Variants in BBC3 observed in about 807,000 individuals in gnomAD.
BBC3 encodes bcl-2-binding component 3.
BBC3 carries 5 observed loss-of-function variants against 18.2 expected under a neutral mutation model. The ratio of observed to expected loss-of-function variants is 0.27; its 90% CI spans 0.14 to 0.58. The LOEUF (loss-of-function observed/expected upper bound fraction) is 0.58. Ranked by LOEUF, BBC3 falls within the 20% of genes least tolerant of loss-of-function variation. The pLI is 0.91. For synonymous variants in BBC3, 119 were observed against 128.0 expected, an observed-to-expected ratio of 0.93 and a Z score of 0.47; for missense variants, 224 against 268.9, an observed-to-expected ratio of 0.83 and a Z score of 1.17.
chr19:47,223,864 C>G (rs2123362842), intron 3 of BBC3, among the ~76,000 whole-genome samples: 1 of 152,322 alleles, frequency 6.6e-6, no homozygotes, highest in Middle Eastern at 3.4e-3. Flanking sequence ...CCACCACTGT[C>G]ACACTGCTGT....
rs2058905447 is a variant in BBC3, at chr19:47,230,882, G to A, written c.-16+47C>T. 2 of 981,024 alleles carry A rather than the reference G, an allele frequency of 2.0e-6. No homozygotes were observed. Among genetic ancestry groups the A allele is most frequent in the Admixed American group, 6.1e-5 (1 of 16,264 alleles). The allele number at this position is 981,024 out of a possible 1,614,324, so 60.8% of individuals were successfully genotyped here. A position where few individuals can be genotyped will look rare whatever the true frequency, so the allele number is the denominator to read the frequency against. On this transcript the variant is annotated intron_variant, in intron 1 of 3. Coordinates refer to ENST00000439096, the MANE Select transcript of BBC3 (RefSeq NM_014417.5). This position sits in a 1 kb window ranked among gnomAD's most constrained non-coding sequence, Gnocchi z 6.7. ...GTCACCTCCTCCAGGGAGTCCACCC[G>A]GCCTGGCCGATCGCCGCCGGAGAGG...
Position 47,228,521 on chromosome 19 carries a change from TA to T in BBC3, c.-15-76del. 8.3e-7 allele frequency: 1 copy of T among 1,203,216 alleles called. No individual in the cohort carries two copies. The highest frequency in any genetic ancestry group is 4.2e-5 in the South Asian group (1 of 23,594). The allele number at this position is 1,203,216 out of a possible 1,614,324, so 74.5% of individuals were successfully genotyped here. ...ACTGTACCTCCAGCCTACCCGGGGTTAGGACCCAGATGGAGAAGAGTGGAGG... is the reference window on the plus strand; with the variant it reads ...ACTGTACCTCCAGCCTACCCGGGGTTGGACCCAGATGGAGAAGAGTGGAGG... On this transcript the variant is annotated intron_variant, in intron 1 of 3. Transcript: ENST00000439096. The surrounding 1 kb of genome is among the most constrained non-coding windows in gnomAD (Gnocchi z 5.5).
chr19:47,227,063 C>T lies in BBC3; in HGVS notation c.275-309G>A, dbSNP rs191782043. 2.0e-3 allele frequency: 535 copies of T among 273,648 alleles called. 5 individuals carry two copies. The highest frequency in any genetic ancestry group is 0.015 in the Admixed American group (291 of 19,084). The allele number at this position is 273,648 out of a possible 1,614,324, so 17.0% of individuals were successfully genotyped here. On this transcript the variant is annotated intron_variant, in intron 2 of 3. Transcript: ENST00000439096. ...CGACCTCTATTTTCCAAAGGGGCCA[C>T]ATTTTGCCTTTTCCATGTGACAGGC...
At position 47,230,914 on chromosome 19, in the gene BBC3, G is replaced by A; in HGVS notation, c.-16+15C>T. On this transcript the variant is annotated intron_variant, in intron 1 of 3. Transcript: ENST00000439096. This position sits in a 1 kb window ranked among gnomAD's most constrained non-coding sequence, Gnocchi z 6.7. ...CCGATCGCCGCCGGAGAGGATTCGG[G>A]GCGCGCACACTCACCCCGGGGGCAT... 2.0e-6 allele frequency: 2 copies of A among 983,492 alleles called. No individual in the cohort carries two copies. Among genetic ancestry groups the A allele is most frequent in the South Asian group, 9.4e-5 (2 of 21,254 alleles). 60.9% of individuals were successfully genotyped at this position (983,492 alleles called of 1,614,324 possible).
Position 47,228,538 on chromosome 19 carries a change from A to C in BBC3, c.-15-92T>G, listed in dbSNP as rs2058868088. The C allele has an allele frequency of 8.7e-7, 1 of 1,150,576 alleles. No homozygotes were observed. 71.3% of individuals were successfully genotyped at this position (1,150,576 alleles called of 1,614,324 possible). A position where few individuals can be genotyped will look rare whatever the true frequency, so the allele number is the denominator to read the frequency against. On this transcript the variant is annotated intron_variant, in intron 1 of 3. Coordinates refer to ENST00000439096, the MANE Select transcript of BBC3 (RefSeq NM_014417.5). This position sits in a 1 kb window ranked among gnomAD's most constrained non-coding sequence, Gnocchi z 5.5. ...CCCGGGGTTAGGACCCAGATGGAGAAGAGTGGAGGTGTGTGTGCATGCGGA... is the reference window on the plus strand; with the variant it reads ...CCCGGGGTTAGGACCCAGATGGAGACGAGTGGAGGTGTGTGTGCATGCGGA...
At chr19:47,231,379 T>G (rs1254970404), upstream of BBC3, among the ~76,000 whole-genome samples, 1 of 151,944 alleles carries the variant, frequency 6.6e-6, no homozygotes, top group Non-Finnish European at 1.5e-5. The surrounding 1 kb of genome is among the most constrained non-coding windows in gnomAD (Gnocchi z 4.0). Flanking sequence ...GCCGGGGGTT[T>G]CCCTGCAGCG....
At position 47,226,773 on chromosome 19, in the gene BBC3, C is replaced by T; in HGVS notation, c.275-19G>A. 7.2e-7 allele frequency: 1 copy of T among 1,383,784 alleles called. No individual in the cohort carries two copies. Among genetic ancestry groups the T allele is most frequent in the Non-Finnish European group, 9.3e-7 (1 of 1,072,820 alleles). The allele number at this position is 1,383,784 out of a possible 1,614,324, so 85.7% of individuals were successfully genotyped here. ...TGAGGACCTTGGAGAGGCAGAGGGG[C>T]GCGGTCAGCACCCACCACCCCTCCA... On this transcript the variant is annotated intron_variant, in intron 2 of 3. Transcript: ENST00000439096.
intron 3 of BBC3, 134 bp downstream of exon 3, chr19:47,226,430 A>AC: frequency 8.2e-6 from 1 of 122,254 alleles, no homozygotes; most frequent in South Asian, 1.1e-4. Context: ...CCACCCACTT[A>AC]CCCCCCACCT....
In BBC3 at chr19:47,221,565, T is replaced by C; in HGVS notation, c.*237A>G. On this transcript the variant is annotated 3_prime_UTR_variant, in exon 4 of 4. Coordinates refer to ENST00000439096, the MANE Select transcript of BBC3 (RefSeq NM_014417.5). ...CCGCCACCTTCCGATGCTGAGTCCA[T>C]CAGCCGTCCCTCTCCTGGCTTCTTG... 4.9e-6 allele frequency: 4 copies of C among 809,674 alleles called. No homozygotes were observed. The highest frequency in any genetic ancestry group is 7.5e-6 in the Non-Finnish European group (4 of 533,528). The allele number at this position is 809,674 out of a possible 1,614,324, so 50.2% of individuals were successfully genotyped here. A position where few individuals can be genotyped will look rare whatever the true frequency, so the allele number is the denominator to read the frequency against.
chr19:47,231,498 G>A (rs965197765), upstream of BBC3, among the ~76,000 whole-genome samples: 7 of 151,400 alleles, frequency 4.6e-5, no homozygotes, highest in African/African-American at 9.7e-5. This position sits in a 1 kb window ranked among gnomAD's most constrained non-coding sequence, Gnocchi z 4.0. Flanking sequence ...CACTGACTGG[G>A]ACCCACAGAT....
At chr19:47,222,940 T>C (rs1318652383) in intron 3 of BBC3, among the ~76,000 whole-genome samples, 1 of 108,136 alleles carries the variant, frequency 9.2e-6, no homozygotes, top group Non-Finnish European at 1.8e-5. Context: ...CACTCCAGCC[T>C]GGGCAAGAGC....
At position 47,221,560 on chromosome 19, in the gene BBC3, G is replaced by A; in HGVS notation, c.*242C>T. ...GGTCACCGCCACCTTCCGATGCTGA[G>A]TCCATCAGCCGTCCCTCTCCTGGCT... On this transcript the variant is annotated 3_prime_UTR_variant, in exon 4 of 4. Transcript: ENST00000439096. 2.6e-6 allele frequency: 2 copies of A among 768,626 alleles called. 1 individual carries two copies. The highest frequency in any genetic ancestry group is 3.7e-5 in the South Asian group (2 of 53,478). 47.6% of individuals were successfully genotyped at this position (768,626 alleles called of 1,614,324 possible).
At chr19:47,229,082 A>C (rs936595038) in intron 1 of BBC3, among the ~76,000 whole-genome samples, 1 of 152,066 alleles carries the variant, frequency 6.6e-6, no homozygotes, top group Non-Finnish European at 1.5e-5. Flanking sequence ...GGCACAATCC[A>C]TCCCCACACA....
intron 3 of BBC3, among the ~76,000 whole-genome samples, chr19:47,226,305 GC>G (rs2058819440): frequency 6.6e-6 from 1 of 151,748 alleles, no homozygotes; most frequent in South Asian, 2.1e-4. Context: ...CGGGCGCGCA[GC>G]TCCACTCCTC....
chr19:47,232,679 T>G (rs2058926293), upstream of BBC3: 2 of 1,355,440 alleles, frequency 1.5e-6, no homozygotes, highest in Non-Finnish European at 2.0e-6. Context: ...GTTTGGTGAG[T>G]TTTGTCCTTC....
chr19:47,221,432 C>CCT lies in BBC3; in HGVS notation c.*369_*370insAG. On this transcript the variant is annotated 3_prime_UTR_variant, in exon 4 of 4. Transcript: ENST00000439096. ...AAGGAGCACCGAGAGGAGAGCCCCC[C>CCT]CCTCCCAGTGTCACCCCTGCAGCTG... 3.9e-6 allele frequency: 1 copy of CCT among 255,414 alleles called. No individual in the cohort carries two copies. The highest frequency in any genetic ancestry group is 9.3e-5 in the South Asian group (1 of 10,736). 15.8% of individuals were successfully genotyped at this position (255,414 alleles called of 1,614,324 possible). A position where few individuals can be genotyped will look rare whatever the true frequency, so the allele number is the denominator to read the frequency against.
chr19:47,232,303 A>G (rs569501876), upstream of BBC3, among the ~76,000 whole-genome samples: 5 of 152,388 alleles, frequency 3.3e-5, no homozygotes, highest in Admixed American at 2.0e-4. Flanking sequence ...GTGAGCCGAG[A>G]TAGTGCCATT....
chr19:47,224,271 G>C lies in BBC3; in HGVS notation c.465+2293C>G, dbSNP rs532043439. Among the ~76,000 whole-genome samples the C allele has an allele frequency of 3.3e-5, 5 of 151,936 alleles. No homozygotes were observed. In the East Asian group the frequency reaches 9.7e-4, roughly 29 times the overall value. On this transcript the variant is annotated intron_variant, in intron 3 of 3. Transcript: ENST00000439096. ...GATTGCACCATTGCACTCCAACCTG[G>C]GCAACAAGAGCGAAACTCTGTCTCA... is the stretch of plus-strand genomic sequence containing the variant.
At position 47,221,762 on chromosome 19, in the gene BBC3, C is replaced by T. The variant is rs774280756; in HGVS notation, c.*40G>A. ...GGTGTCAGGAGGTGGGAGGGGCCTG[C>T]CCCCCGAGTCCCTGACGTCCACCGG... is the stretch of plus-strand genomic sequence containing the variant. On this transcript the variant is annotated 3_prime_UTR_variant, in exon 4 of 4. Transcript: ENST00000439096. 62 of 1,604,536 alleles carry T rather than the reference C, an allele frequency of 3.9e-5. No individual in the cohort carries two copies. Among genetic ancestry groups the T allele is most frequent in the Non-Finnish European group, 5.2e-5 (61 of 1,177,248 alleles).
Sources: gnomAD v4.1 joint callset for allele counts (sites outside exome capture counted in the v4.1 genomes callset) on GRCh38, gnomAD v4.1.1 for gene constraint, Gnocchi (gnomAD v3.1) non-coding constraint, MANE v1.5 for transcripts, NCBI Gene and HGNC (gene_info 2026-07-23, HGNC 2026-07-21) for gene names.